The following TMEM178A variants were observed in gnomAD, a reference collection of about 807,000 sequenced individuals.
The protein encoded by TMEM178A is transmembrane protein 178A.
In TMEM178A, 12 loss-of-function variants were observed where a neutral mutation model predicts 29.1. That is an observed-to-expected ratio of 0.41 (90% confidence interval 0.26 to 0.67). TMEM178A has a LOEUF of 0.67. Ranked by LOEUF, TMEM178A falls within the 30% of genes least tolerant of loss-of-function variation. TMEM178A has a pLI of 0.29. For synonymous variants in TMEM178A, 210 were observed against 187.2 expected (o/e 1.12, Z -0.99); for missense variants, 366 against 419.1 (o/e 0.87, Z 1.11).
chr2:39,681,295 C>T (rs1175516885), intron 1 of TMEM178A, among the ~76,000 whole-genome samples: 1 of 152,192 alleles, frequency 6.6e-6, no homozygotes, highest in East Asian at 1.9e-4. Flanking sequence ...AGATCTGTGT[C>T]ATCTCCATCA....
chr2:39,731,335 GA>G, the TMEM178A span, among the ~76,000 whole-genome samples: 1 of 152,168 alleles, frequency 6.6e-6, no homozygotes, highest in African/African-American at 2.4e-5. Context: ...AGTTGATAAA[GA>G]AAAGTTGTTT....
rs4015737 is a variant in TMEM178A, at chr2:39,686,963, ATGTGTGTGTGTGTGTGTG to A, written c.401-17082_401-17065del. 9.0e-3 allele frequency among the ~76,000 whole-genome samples: 1,077 copies of A among 120,326 alleles called. 9 individuals carry two copies. The highest frequency in any genetic ancestry group is 0.024 in the African/African-American group (767 of 31,744). 78.9% of individuals were successfully genotyped at this position (120,326 alleles called of 152,430 possible). A position where few individuals can be genotyped will look rare whatever the true frequency, so the allele number is the denominator to read the frequency against. On this transcript the variant is annotated intron_variant, in intron 1 of 3. Transcript: ENST00000281961. ...TGGCAGAGTATATGTGCACATATGC[ATGTGTGTGTGTGTGTGTG>A]TGTGTGTGTGTGTGTGTGTGTGTGT...
At chr2:39,668,402 G>T (rs1034523311) in intron 1 of TMEM178A, among the ~76,000 whole-genome samples, 1 of 152,178 alleles carries the variant, frequency 6.6e-6, no homozygotes. Context: ...CTAATCTTTT[G>T]TGTAGAACAC....
chr2:39,681,729 G>A (rs1437706041), intron 1 of TMEM178A, among the ~76,000 whole-genome samples: 2 of 152,300 alleles, frequency 1.3e-5, no homozygotes, highest in Middle Eastern at 3.4e-3. Flanking sequence ...GCCATATGAT[G>A]AGTGCATTAG....
At chr2:39,728,890 G>A in the TMEM178A span, among the ~76,000 whole-genome samples, 3 of 152,228 alleles carry the variant, frequency 2.0e-5, no homozygotes, top group African/African-American at 7.2e-5. Context: ...TTGGAGAGGG[G>A]TGCCAAATAC....
intron 1 of TMEM178A, among the ~76,000 whole-genome samples, chr2:39,676,757 C>T (rs1396552259): frequency 6.6e-6 from 1 of 152,188 alleles, no homozygotes; most frequent in African/African-American, 2.4e-5. Context: ...CAGGTGTGTT[C>T]AGGCGGCAGT....
At chr2:39,674,403 G>C (rs1339634463) in intron 1 of TMEM178A, among the ~76,000 whole-genome samples, 1 of 152,206 alleles carries the variant, frequency 6.6e-6, no homozygotes, top group African/African-American at 2.4e-5. Context: ...TCTAAGTGAA[G>C]TAACTCAGGA....
chr2:39,675,843 G>A (rs576340411), intron 1 of TMEM178A, among the ~76,000 whole-genome samples: 6 of 152,136 alleles, frequency 3.9e-5, no homozygotes, highest in African/African-American at 1.2e-4. Flanking sequence ...GCAGTGGCGC[G>A]GTCATACTTT....
At chr2:39,682,843 G>A (rs1670924486) in intron 1 of TMEM178A, among the ~76,000 whole-genome samples, 1 of 152,184 alleles carries the variant, frequency 6.6e-6, no homozygotes, top group East Asian at 1.9e-4. Context: ...ATGGGTCACA[G>A]GGTCTGTGAA....
At chr2:39,667,335 A>AT (rs3032158) in intron 1 of TMEM178A, among the ~76,000 whole-genome samples, 223 of 141,306 alleles carry the variant, frequency 1.6e-3, no homozygotes, top group Middle Eastern at 3.6e-3. Context: ...AGATAGTTTG[A>AT]TTTTTTTTTT....
At chr2:39,728,726 T>C in the TMEM178A span, among the ~76,000 whole-genome samples, 1 of 152,142 alleles carries the variant, frequency 6.6e-6, no homozygotes, top group African/African-American at 2.4e-5. Context: ...AATGAATTTT[T>C]TTTTTTTAAC....
the TMEM178A span, among the ~76,000 whole-genome samples, chr2:39,733,964 A>G: frequency 6.6e-6 from 1 of 151,854 alleles, no homozygotes; most frequent in Non-Finnish European, 1.5e-5. Flanking sequence ...CTATTTCATC[A>G]TCTTTTCGTC....
At chr2:39,684,350 GA>G (rs1187820601) in intron 1 of TMEM178A, among the ~76,000 whole-genome samples, 9 of 151,766 alleles carry the variant, frequency 5.9e-5, no homozygotes, top group East Asian at 1.9e-4. Context: ...TGTAAAGAAG[GA>G]AAAAAATAAT....
chr2:39,673,335 A>G (rs1670482143), intron 1 of TMEM178A, among the ~76,000 whole-genome samples: 1 of 152,266 alleles, frequency 6.6e-6, no homozygotes, highest in Non-Finnish European at 1.5e-5. Context: ...CAGGGAATGC[A>G]TTAGCAAGTG....
At chr2:39,677,434 C>T (rs1164292262) in intron 1 of TMEM178A, among the ~76,000 whole-genome samples, 1 of 152,150 alleles carries the variant, frequency 6.6e-6, no homozygotes, top group Non-Finnish European at 1.5e-5. Flanking sequence ...ATTAGCAAAT[C>T]ACTCCTTGCT....
intron 1 of TMEM178A, among the ~76,000 whole-genome samples, chr2:39,675,976 G>T (rs1167801282): frequency 6.6e-6 from 1 of 151,862 alleles, no homozygotes. Flanking sequence ...TGTAGAAACA[G>T]GGTGTTGCTT....
intron 1 of TMEM178A, among the ~76,000 whole-genome samples, chr2:39,703,768 T>C (rs1671898553): frequency 6.6e-6 from 1 of 152,226 alleles, no homozygotes; most frequent in African/African-American, 2.4e-5. Context: ...TAATTTAAAA[T>C]TCTAAGCTGA....
At chr2:39,723,023 C>T in the TMEM178A span, among the ~76,000 whole-genome samples, 8 of 152,266 alleles carry the variant, frequency 5.3e-5, no homozygotes, top group Non-Finnish European at 1.0e-4. Flanking sequence ...ACGGAGGCTC[C>T]GCTGGATCCT....
At chr2:39,687,719 G>C (rs180797644) in intron 1 of TMEM178A, among the ~76,000 whole-genome samples, 1 of 152,350 alleles carries the variant, frequency 6.6e-6, no homozygotes, top group East Asian at 1.9e-4. Context: ...GTATCAGTGT[G>C]AAAGCAAAGG....
Sources: allele counts gnomAD v4.1 joint callset (sites outside exome capture counted in the v4.1 genomes callset), GRCh38; gene constraint gnomAD v4.1.1; transcripts MANE v1.5; gene names NCBI Gene and HGNC (gene_info 2026-07-23, HGNC 2026-07-21).